SPATA31D1: variants seen among roughly 807,000 people sequenced by gnomAD.
SPATA31D1 encodes the protein spermatogenesis-associated protein 31D1.
Under a neutral mutation model 13.2 loss-of-function variants are expected in SPATA31D1, and 6 were observed. The ratio of observed to expected loss-of-function variants is 0.46; its 90% CI spans 0.25 to 0.90. SPATA31D1 has a LOEUF of 0.90. SPATA31D1 is among the 40% of genes least tolerant of loss of function. The pLI is 0.18. For missense variants in SPATA31D1, 2,445 were observed against 1,884.7 expected, an observed-to-expected ratio of 1.30 and a Z score of -5.50; for synonymous variants, 903 against 718.8, an observed-to-expected ratio of 1.26 and a Z score of -4.10.
rs1824971433 is a variant in SPATA31D1, at chr9:81,991,810, A to C, written c.1340A>C (p.Gln447Pro). Residue 447 changes from glutamine (Q) to proline (P), a missense_variant, in exon 4 of 4, where the codon CAA (glutamine) becomes CCA (proline). Gln to Pro is a moderately conservative substitution (Grantham distance 76). Coordinates refer to ENST00000344803, the MANE Select transcript of SPATA31D1 (RefSeq NM_001001670.3). ...CCAAAACAACTTAGGCCAAACTACC[A>C]ACTAAATTCCTCACGGAATATGTTA... ...SFPKQLRPNY[Q>P]LNSSRNMLTS... 1 of 1,613,672 alleles carries C rather than the reference A, an allele frequency of 6.2e-7. No homozygotes were observed. The highest frequency in any genetic ancestry group is 8.5e-7 in the Non-Finnish European group (1 of 1,179,724).
upstream of SPATA31D1, chr9:81,988,644 A>AAGGTG (rs1384433153): frequency 1.4e-5 from 13 of 941,306 alleles, no homozygotes; most frequent in South Asian, 1.7e-4. Context: ...AGGGCCCAGG[A>AAGGTG]GAGTCAGCTG....
In SPATA31D1 at chr9:81,993,940, C is replaced by T; in HGVS notation, c.3470C>T (p.Thr1157Ile). The T allele has an allele frequency of 6.2e-7, 1 of 1,613,876 alleles. No individual in the cohort carries two copies. Among genetic ancestry groups the T allele is most frequent in the Non-Finnish European group, 8.5e-7 (1 of 1,179,814 alleles). Residue 1157 changes from threonine (T) to isoleucine (I), a missense_variant, in exon 4 of 4, where the codon ACT becomes ATT. By Grantham distance (89) the Thr-to-Ile change is moderately conservative (BLOSUM62 -1). Coordinates refer to ENST00000344803, the MANE Select transcript of SPATA31D1 (RefSeq NM_001001670.3). Reference protein sequence around the residue: ...FPVTNALQSQTRNNLTTSKSG... With the variant: ...FPVTNALQSQIRNNLTTSKSG... ...GTCACCAATGCTCTTCAATCACAAA[C>T]TAGGAACAACTTGACAACCAGCAAG...
chr9:81,991,030 C>G lies in SPATA31D1; in HGVS notation c.560C>G (p.Ser187Cys), dbSNP rs1360049472. 1 of 1,613,754 alleles carries G rather than the reference C, an allele frequency of 6.2e-7. No homozygotes were observed. Among genetic ancestry groups the G allele is most frequent in the Admixed American group, 1.7e-5 (1 of 60,008 alleles). ...SATPPEDLIL[S>C]PRPKASPPPP... ...ACCCCTCCAGAAGACCTAATACTGT[C>G]CCCTCGGCCTAAGGCCTCTCCACCA... is the stretch of plus-strand genomic sequence containing the variant. The change falls in exon 4 of 4, where the codon TCC becomes TGC. Residue 187 changes from serine to cysteine, a missense_variant. Coordinates refer to ENST00000344803, the MANE Select transcript of SPATA31D1 (RefSeq NM_001001670.3).
Position 81,993,724 on chromosome 9 carries a change from GCAGA to G in SPATA31D1, c.3260_3263del (p.Gln1087LeufsTer10). On this transcript the variant is annotated frameshift_variant, in exon 4 of 4. Coordinates refer to ENST00000344803, the MANE Select transcript of SPATA31D1 (RefSeq NM_001001670.3). LOFTEE classifies it low-confidence loss of function (END_TRUNC). ...GAAAGTGTCCGGACAACAGAGGATGGCAGACAGACTTTTCTGCCCCCGCCACACA... is the reference window on the plus strand; with the variant it reads ...GAAAGTGTCCGGACAACAGAGGATGGCAGACTTTTCTGCCCCCGCCACACA... 6.2e-7 allele frequency: 1 copy of G among 1,613,968 alleles called. No homozygotes were observed. Among genetic ancestry groups the G allele is most frequent in the Non-Finnish European group, 8.5e-7 (1 of 1,179,892 alleles).
rs369941995 is a variant in SPATA31D1, at chr9:81,991,934, C to T, written c.1464C>T (p.His488=). ...AGCACATCCATCAGCAGCCTCCACA[C>T]TCTAAATGCTTTGAAGACCATTTAG... is the stretch of plus-strand genomic sequence containing the variant. ...EWQHIHQQPP[H]SKCFEDHLEQ... is the part of the protein sequence containing the mutation. Residue 488 remains histidine (H), a synonymous_variant, in exon 4 of 4, where the codon CAC becomes CAT. Coordinates refer to ENST00000344803, the MANE Select transcript of SPATA31D1 (RefSeq NM_001001670.3). 6.2e-7 allele frequency: 1 copy of T among 1,613,806 alleles called. No individual in the cohort carries two copies.
chr9:81,989,893 C>T, intron 2 of SPATA31D1, 70 bp downstream of exon 2: 1 of 1,544,388 alleles, frequency 6.5e-7, no homozygotes, highest in Non-Finnish European at 8.8e-7. Context: ...GACTCAGTCC[C>T]ATGATTTCTT....
In SPATA31D1 at chr9:81,995,000, G is replaced by A. The variant is rs751426053; in HGVS notation, c.4530G>A (p.Leu1510=). 1.4e-5 allele frequency: 23 copies of A among 1,613,986 alleles called. No individual in the cohort carries two copies. The Middle Eastern group carries it at 4.9e-4, about 35-fold the overall frequency. Residue 1510 remains leucine, a synonymous_variant, in exon 4 of 4, where the codon CTG becomes CTA. Transcript: ENST00000344803. The stretch of plus-strand genomic sequence containing the variant: ...TTGAGGCATTTAAGGGGAAGATACT[G>A]TGTCAAAGCCATCCCCAATCCATGC... ...QKVEAFKGKI[L]CQSHPQSMPH... is the part of the protein sequence containing the mutation.
chr9:81,992,596 C>T lies in SPATA31D1; in HGVS notation c.2126C>T (p.Ser709Phe), dbSNP rs767341094. 6 of 1,612,592 alleles carry T rather than the reference C, an allele frequency of 3.7e-6. No individual in the cohort carries two copies. The highest frequency in any genetic ancestry group is 5.1e-6 in the Non-Finnish European group (6 of 1,179,748). Residue 709 changes from serine (S) to phenylalanine (F), a missense_variant, in exon 4 of 4, where the codon TCT becomes TTT. Coordinates refer to ENST00000344803, the MANE Select transcript of SPATA31D1 (RefSeq NM_001001670.3). ...GGCCTGCCCCGCAGAATCCATGAGT[C>T]TCTGTCATTGCTACGTCCTCAGAGC... ...RWGLPRRIHE[S>F]LSLLRPQSKI...
Position 81,991,185 on chromosome 9 carries a change from C to T in SPATA31D1, c.715C>T (p.Pro239Ser). 6.2e-7 allele frequency: 1 copy of T among 1,613,934 alleles called. No homozygotes were observed. Among genetic ancestry groups the T allele is most frequent in the Non-Finnish European group, 8.5e-7 (1 of 1,179,848 alleles). ...TTCCAAGTTCCCCATAGACCATTCC[C>T]CACCCCAACAGCTTCCCTTTCCCCT... ...LDSKFPIDHS[P>S]PQQLPFPLLP... is the part of the protein sequence containing the mutation. Residue 239 changes from proline (P) to serine (S), a missense_variant, in exon 4 of 4, where the codon CCA becomes TCA. Coordinates refer to ENST00000344803, the MANE Select transcript of SPATA31D1 (RefSeq NM_001001670.3).
At position 81,993,665 on chromosome 9, in the gene SPATA31D1, A is replaced by G; in HGVS notation, c.3195A>G (p.Arg1065=). 1 of 1,614,032 alleles carries G rather than the reference A, an allele frequency of 6.2e-7. No homozygotes were observed. Among genetic ancestry groups the G allele is most frequent in the Non-Finnish European group, 8.5e-7 (1 of 1,179,898 alleles). The change falls in exon 4 of 4, where the codon AGA becomes AGG. Residue 1065 remains arginine, a synonymous_variant. Coordinates refer to ENST00000344803, the MANE Select transcript of SPATA31D1 (RefSeq NM_001001670.3). ...PVNQEKQGTL[R]REFSDTDNDL... is the part of the protein sequence containing the mutation. ...ACCAAGAAAAGCAGGGGACCCTGAG[A>G]AGAGAATTCTCTGATACTGACAATG...
intron 1 of SPATA31D1, 66 bp from the exon 2 acceptor site, chr9:81,989,712 G>A (rs1587526764): frequency 6.6e-7 from 1 of 1,517,054 alleles, no homozygotes. Flanking sequence ...ATGAATGAAT[G>A]AATGAGCTTC....
chr9:81,990,508 G>A (rs1020129676), intron 3 of SPATA31D1, 22 bp downstream of exon 3: 2 of 1,584,736 alleles, frequency 1.3e-6, no homozygotes, highest in South Asian at 1.2e-5. Flanking sequence ...TTCCCTTTGT[G>A]TCCTGTTCCC....
rs770119771 is a variant in SPATA31D1, at chr9:81,995,128, A to G, written c.4658A>G (p.Asp1553Gly). 1.2e-6 allele frequency: 2 copies of G among 1,602,558 alleles called. No individual in the cohort carries two copies. The highest frequency in any genetic ancestry group is 1.3e-5 in the African/African-American group (1 of 74,678). ...AGTGCTAAAAGCCCTGTGTTTAGTG[A>G]TGTGCCTTTCCTAACTGGACAGAAA... Reference protein sequence around the residue: ...PTSAKSPVFSDVPFLTGQKML... With the variant: ...PTSAKSPVFSGVPFLTGQKML... Residue 1553 changes from aspartate to glycine, a missense_variant, in exon 4 of 4, where the codon GAT (aspartate) becomes GGT (glycine). Physicochemically the swap from Asp to Gly is moderately conservative, Grantham distance 94. Transcript: ENST00000344803.
chr9:81,989,803 G>A lies in SPATA31D1; in HGVS notation c.212G>A (p.Arg71Lys). Residue 71 changes from arginine to lysine, a missense_variant, in exon 2 of 4, where the codon AGG (arginine) becomes AAG (lysine). Transcript: ENST00000344803. The stretch of plus-strand genomic sequence containing the variant: ...CATCAGGGCAGAGCCAAGAGGAGAA[G>A]GAAAGGTGGGACATTCAAAGGTAAT... The part of the protein sequence containing the change: ...QKHQGRAKRR[R>K]KGGTFKGFPD... 6.2e-7 allele frequency: 1 copy of A among 1,613,728 alleles called. No homozygotes were observed. Among genetic ancestry groups the A allele is most frequent in the African/African-American group, 1.3e-5 (1 of 75,046 alleles).
intron 1 of SPATA31D1, 123 bp downstream of exon 1, chr9:81,989,127 A>T (rs1343973824): frequency 1.4e-6 from 2 of 1,397,600 alleles, no homozygotes; most frequent in Non-Finnish European, 1.9e-6. Flanking sequence ...GTCTGAAGAG[A>T]GGATAGAACT....
rs773435811 is a variant in SPATA31D1 at position 81,990,864 on chromosome 9, G to T, written c.394G>T (p.Val132Leu). Residue 132 changes from valine (V) to leucine (L), a missense_variant, in exon 4 of 4, where the codon GTG becomes TTG. By Grantham distance (32) the Val-to-Leu change is conservative. Coordinates refer to ENST00000344803, the MANE Select transcript of SPATA31D1 (RefSeq NM_001001670.3). ...GTTATGCCCAGACCCCGTCTGTCGG[G>T]TGTGTAAGAGAGCAACTGCTGATAT... ...RLLCPDPVCR[V>L]CKRATADIQQ... 2 of 1,613,880 alleles carry T rather than the reference G, an allele frequency of 1.2e-6. No individual in the cohort carries two copies. Among genetic ancestry groups the T allele is most frequent in the East Asian group, 4.5e-5 (2 of 44,852 alleles).
rs116025622 is a variant in SPATA31D1, at chr9:81,994,190, T to C, written c.3720T>C (p.Asn1240=). Residue 1240 remains asparagine (N), a synonymous_variant, in exon 4 of 4, where the codon AAT becomes AAC. Coordinates refer to ENST00000344803, the MANE Select transcript of SPATA31D1 (RefSeq NM_001001670.3). ...DNLSSKDLLT[N]SQGISSGDMG... is the part of the protein sequence containing the mutation. ...TGAGTTCCAAGGACTTACTGACTAA[T>C]TCCCAGGGCATCTCGAGTGGGGACA... 9.3e-4 allele frequency: 1,508 copies of C among 1,614,006 alleles called. 8 individuals carry two copies. In the African/African-American group the frequency reaches 0.018, roughly 19 times the overall value.
chr9:81,993,061 C>T lies in SPATA31D1; in HGVS notation c.2591C>T (p.Pro864Leu), dbSNP rs375386103. Residue 864 changes from proline (P) to leucine (L), a missense_variant, in exon 4 of 4, where the codon CCT (proline) becomes CTT (leucine). Physicochemically the swap from Pro to Leu is moderately conservative, Grantham distance 98 (BLOSUM62 -3). Transcript: ENST00000344803. ...WHSVKQTMSLPEKSHSQIKHR... is the reference protein window; with the variant it reads ...WHSVKQTMSLLEKSHSQIKHR... ...TCAGTCAAGCAGACAATGTCTCTTC[C>T]TGAGAAATCCCACAGCCAAATTAAA... 2 of 1,613,794 alleles carry T rather than the reference C, an allele frequency of 1.2e-6. No individual in the cohort carries two copies. The highest frequency in any genetic ancestry group is 1.1e-5 in the South Asian group (1 of 91,078).
rs763469927 is a variant in SPATA31D1, at chr9:81,994,817, C to T, written c.4347C>T (p.Val1449=). 3 of 1,613,912 alleles carry T rather than the reference C, an allele frequency of 1.9e-6. No individual in the cohort carries two copies. Among genetic ancestry groups the T allele is most frequent in the African/African-American group, 1.3e-5 (1 of 75,028 alleles). The change falls in exon 4 of 4, where the codon GTC becomes GTT. Residue 1449 remains valine, a synonymous_variant. Transcript: ENST00000344803. The part of the protein sequence containing the change: ...GKAQHNPEVH[V]RAEPVQGCPC... ...CTCAGCACAACCCAGAAGTGCATGTCAGAGCAGAGCCTGTCCAGGGCTGTC... is the reference window on the plus strand; with the variant it reads ...CTCAGCACAACCCAGAAGTGCATGTTAGAGCAGAGCCTGTCCAGGGCTGTC...
Sources: allele counts gnomAD v4.1 joint callset, GRCh38; gene constraint gnomAD v4.1.1; transcripts MANE v1.5; gene names NCBI Gene and HGNC (gene_info 2026-07-23, HGNC 2026-07-21).